The following DLG4 variants were observed in gnomAD, a reference collection of about 807,000 sequenced individuals.
DLG4 encodes the protein discs large MAGUK scaffold protein 4.
DLG4 carries 7 observed loss-of-function variants against 93.8 expected under a neutral mutation model. The observed-to-expected ratio is 0.07, with a 90% CI of 0.04 to 0.14. DLG4 has a LOEUF of 0.14. DLG4 is among the 10% of genes least tolerant of loss of function. The probability of loss-of-function intolerance (pLI) is 1.00; values close to 1 mark genes in which losing one functional copy is unlikely to be tolerated. For missense variants in DLG4, 545 were observed against 992.9 expected (o/e 0.55, Z 6.06); for synonymous variants, 341 against 387.6 (o/e 0.88, Z 1.41).
chr17:7,189,517 T>C lies in DLG4; in HGVS notation c.*1191A>G, dbSNP rs1406709577. 1.3e-5 allele frequency among the ~76,000 whole-genome samples: 2 copies of C among 150,918 alleles called. No individual in the cohort carries two copies. The highest frequency in any genetic ancestry group is 2.9e-5 in the Non-Finnish European group (2 of 67,838). ...AAAAAAAACAAAAAAACAAAAAAAA[T>C]CATTTCCAGATCCTAGCTCTGTCCA... On this transcript the variant is annotated 3_prime_UTR_variant, in exon 20 of 20. Transcript: ENST00000399506.
chr17:7,193,802 G>A lies in DLG4; in HGVS notation c.1543+42C>T, dbSNP rs974869311. 6.2e-7 allele frequency: 1 copy of A among 1,612,308 alleles called. No homozygotes were observed. Among genetic ancestry groups the A allele is most frequent in the Non-Finnish European group, 8.5e-7 (1 of 1,179,254 alleles). ...CCTTGAGGATATCAAAAGCAACTCA[G>A]TGCTCCTCTCACCCACATCTTCCCG... On this transcript the variant is annotated intron_variant, in intron 14 of 19. Coordinates refer to ENST00000399506, the MANE Select transcript of DLG4 (RefSeq NM_001321075.3). The surrounding 1 kb of genome is among the most constrained non-coding windows in gnomAD (Gnocchi z 6.7).
At chr17:7,206,620 C>T (rs1181361280) in intron 2 of DLG4, among the ~76,000 whole-genome samples, 6 of 152,226 alleles carry the variant, frequency 3.9e-5, no homozygotes, top group Non-Finnish European at 7.4e-5. Context: ...CCACAGAATT[C>T]GCACAAACAC....
In DLG4 at chr17:7,207,014, G is replaced by T. The variant is rs530260959; in HGVS notation, c.96+1160C>A. On this transcript the variant is annotated intron_variant, in intron 2 of 19. Transcript: ENST00000399506. ...AAGATGGAAAGTGGACTGGAGAATGGAAGGTCCCAGAAACCAGGCCTCCCG... is the reference window on the plus strand; with the variant it reads ...AAGATGGAAAGTGGACTGGAGAATGTAAGGTCCCAGAAACCAGGCCTCCCG... Among the ~76,000 whole-genome samples, 92 of 152,228 alleles carry T rather than the reference G, an allele frequency of 6.0e-4. 1 individual carries two copies. Among genetic ancestry groups the T allele is most frequent in the African/African-American group, 2.2e-3 (91 of 41,530 alleles).
chr17:7,199,537 T>G (rs540499622), intron 8 of DLG4, among the ~76,000 whole-genome samples: 28 of 152,202 alleles, frequency 1.8e-4, no homozygotes, highest in African/African-American at 6.0e-4. Flanking sequence ...CTTAAAGATT[T>G]TAATATATTT....
In DLG4 at chr17:7,187,318, G is replaced by GGA. The variant is rs1555599148; in HGVS notation, c.*3389_*3390insTC. Among the ~76,000 whole-genome samples the GGA allele has an allele frequency of 3.9e-4, 27 of 68,638 alleles. 3 individuals carry two copies. Among genetic ancestry groups the GGA allele is most frequent in the South Asian group, 1.6e-3 (3 of 1,882 alleles). The allele number at this position is 68,638 out of a possible 152,430, so 45.0% of individuals were successfully genotyped here. A position where few individuals can be genotyped will look rare whatever the true frequency, so the allele number is the denominator to read the frequency against. On this transcript the variant is annotated 3_prime_UTR_variant, in exon 20 of 20. Coordinates refer to ENST00000399506, the MANE Select transcript of DLG4 (RefSeq NM_001321075.3). ...ACTTTGGGAGGCCGAGGGGGGGGGG[G>GGA]GTGGATCACCCGAGGTCAGGAGTTC...
intron 8 of DLG4, among the ~76,000 whole-genome samples, chr17:7,200,333 A>G (rs995907305): frequency 6.6e-6 from 1 of 151,674 alleles, no homozygotes; most frequent in African/African-American, 2.4e-5. Context: ...ACACGGTGTG[A>G]CTCCTCACCC....
In DLG4 at chr17:7,194,495, C is replaced by T. The variant is rs768276894; in HGVS notation, c.1302G>A (p.Arg434=). 3 of 1,601,986 alleles carry T rather than the reference C, an allele frequency of 1.9e-6. No individual in the cohort carries two copies. Among genetic ancestry groups the T allele is most frequent in the Admixed American group, 3.4e-5 (2 of 58,220 alleles). ...RSNPKRGFYI[R]ALFDYDKTKD... ...TGGTCTTGTCGTAATCAAACAGGGCCCTGGAGGGCAAGTGGCTATCGGTCA... is the reference window on the plus strand; with the variant it reads ...TGGTCTTGTCGTAATCAAACAGGGCTCTGGAGGGCAAGTGGCTATCGGTCA... Residue 434 remains arginine (R), a splice_region_variant and synonymous_variant, in exon 12 of 20, where the codon AGG becomes AGA. Transcript: ENST00000399506. This position sits in a 1 kb window ranked among gnomAD's most constrained non-coding sequence, Gnocchi z 4.4.
At chr17:7,214,088 G>GC (rs1032926944) in intron 1 of DLG4, among the ~76,000 whole-genome samples, 15 of 152,118 alleles carry the variant, frequency 9.9e-5, no homozygotes, top group Non-Finnish European at 2.1e-4. Context: ...CAAGGACTTT[G>GC]CCGTCGCCTA....
rs1291104046 is a variant in DLG4, at chr17:7,191,690, A to G, written c.1976+203T>C. ...CTGGTATGCCCCAGGGGCTGCTGGG[A>G]AATGTAGTCCTGTCTAGCCAAGGCA... On this transcript the variant is annotated intron_variant, in intron 18 of 19. Transcript: ENST00000399506. The surrounding 1 kb of genome is among the most constrained non-coding windows in gnomAD (Gnocchi z 6.6). The G allele has an allele frequency of 3.4e-6, 2 of 580,390 alleles. No individual in the cohort carries two copies. The highest frequency in any genetic ancestry group is 6.2e-6 in the Non-Finnish European group (2 of 320,626). 36.0% of individuals were successfully genotyped at this position (580,390 alleles called of 1,614,324 possible). A position where few individuals can be genotyped will look rare whatever the true frequency, so the allele number is the denominator to read the frequency against.
intron 8 of DLG4, among the ~76,000 whole-genome samples, chr17:7,198,001 T>C (rs2069889678): frequency 6.6e-6 from 1 of 152,186 alleles, no homozygotes; most frequent in African/African-American, 2.4e-5. Context: ...TAATGCCTGG[T>C]TGTCTTTCTG....
At chr17:7,219,754 G>T, upstream of DLG4, 1 of 1,467,942 alleles carries the variant, frequency 6.8e-7, no homozygotes, top group Non-Finnish European at 9.0e-7. Flanking sequence ...GGACGGGCGG[G>T]ATTAAGGAGT....
At chr17:7,190,941 G>A in intron 19 of DLG4, 127 bp from the exon 20 acceptor site, 2 of 709,382 alleles carry the variant, frequency 2.8e-6, no homozygotes, top group Non-Finnish European at 2.4e-6. Context: ...TCCTGGGGCT[G>A]CACCCGCCCA....
chr17:7,207,188 G>C (rs759727647), intron 2 of DLG4, among the ~76,000 whole-genome samples: 30 of 151,766 alleles, frequency 2.0e-4, no homozygotes, highest in Admixed American at 3.9e-4. Context: ...AAAGAGGGAA[G>C]GTGAAGATGA....
At chr17:7,205,334 C>T (rs1412878054) in intron 2 of DLG4, among the ~76,000 whole-genome samples, 1 of 152,170 alleles carries the variant, frequency 6.6e-6, no homozygotes, top group African/African-American at 2.4e-5. Context: ...CGCTTTAGCC[C>T]GGTCCTAGGG....
At position 7,208,422 on chromosome 17, in the gene DLG4, C is replaced by T. The variant is rs2070579704; in HGVS notation, c.31-183G>A. 6.6e-6 allele frequency among the ~76,000 whole-genome samples: 1 copy of T among 151,972 alleles called. No individual in the cohort carries two copies. Among genetic ancestry groups the T allele is most frequent in the Non-Finnish European group, 1.5e-5 (1 of 67,976 alleles). On this transcript the variant is annotated intron_variant, in intron 1 of 19. Transcript: ENST00000399506. This position sits in a 1 kb window ranked among gnomAD's most constrained non-coding sequence, Gnocchi z 5.4. ...CCCTCTCTCCACTCTCCCAACAGCCCCCTCTCCCGCCAGGGCCTCAGCACC... is the reference window on the plus strand; with the variant it reads ...CCCTCTCTCCACTCTCCCAACAGCCTCCTCTCCCGCCAGGGCCTCAGCACC...
rs750227634 is a variant in DLG4 at position 7,196,451 on chromosome 17, CAAGGAACT to C, written c.1186+14_1186+21del. Reference sequence around the variant, plus strand: ...CTAAGGGCCATTTCAGCTCACAAGACAAGGAACTTCCGGCCTGGTACCTTCTGGTTTAT... The same window carrying C: ...CTAAGGGCCATTTCAGCTCACAAGACTCCGGCCTGGTACCTTCTGGTTTAT... On this transcript the variant is annotated intron_variant, in intron 10 of 19. Coordinates refer to ENST00000399506, the MANE Select transcript of DLG4 (RefSeq NM_001321075.3). This position sits in a 1 kb window ranked among gnomAD's most constrained non-coding sequence, Gnocchi z 8.3. 1 of 1,613,546 alleles carries C rather than the reference CAAGGAACT, an allele frequency of 6.2e-7. No homozygotes were observed. The highest frequency in any genetic ancestry group is 2.2e-5 in the East Asian group (1 of 44,880).
At position 7,211,553 on chromosome 17, in the gene DLG4, C is replaced by T. The variant is rs1456171408; in HGVS notation, c.31-3314G>A. The T allele has an allele frequency of 1.1e-5, 4 of 363,448 alleles. No homozygotes were observed. The East Asian group carries it at 6.7e-4, about 61-fold the overall frequency. The allele number at this position is 363,448 out of a possible 1,614,324, so 22.5% of individuals were successfully genotyped here. A position where few individuals can be genotyped will look rare whatever the true frequency, so the allele number is the denominator to read the frequency against. On this transcript the variant is annotated intron_variant, in intron 1 of 19. Coordinates refer to ENST00000399506, the MANE Select transcript of DLG4 (RefSeq NM_001321075.3). Reference sequence around the variant, plus strand: ...CACGAGAAGTTGCAACCCAGAGACCCCGCACCAAGCAGAAGGAAGAGCGAC... The same window carrying T: ...CACGAGAAGTTGCAACCCAGAGACCTCGCACCAAGCAGAAGGAAGAGCGAC...
chr17:7,203,092 C>T lies in DLG4; in HGVS notation c.643-45G>A. The T allele has an allele frequency of 6.3e-7, 1 of 1,583,718 alleles. No individual in the cohort carries two copies. Among genetic ancestry groups the T allele is most frequent in the Non-Finnish European group, 8.6e-7 (1 of 1,158,240 alleles). On this transcript the variant is annotated intron_variant, in intron 7 of 19. Coordinates refer to ENST00000399506, the MANE Select transcript of DLG4 (RefSeq NM_001321075.3). This position sits in a 1 kb window ranked among gnomAD's most constrained non-coding sequence, Gnocchi z 7.2. ...AGCTCAGACAAAGCCACAAATGGCC[C>T]AAGACAGAAGCACTGGGGTGAAGTG...
chr17:7,203,280 T>C lies in DLG4; in HGVS notation c.555A>G (p.Gly185=). The C allele has an allele frequency of 6.2e-7, 1 of 1,609,390 alleles. No homozygotes were observed. The highest frequency in any genetic ancestry group is 8.5e-7 in the Non-Finnish European group (1 of 1,176,118). The change falls in exon 7 of 20, where the codon GGA becomes GGG. Residue 185 remains glycine, a synonymous_variant. Coordinates refer to ENST00000399506, the MANE Select transcript of DLG4 (RefSeq NM_001321075.3). This position sits in a 1 kb window ranked among gnomAD's most constrained non-coding sequence, Gnocchi z 7.2. ...AGGVGNQHIP[G]DNSIYVTKII... Reference sequence around the variant, plus strand: ...TCTTTGTTACATAGATGCTATTATCTCCTGGGATGTGCTGGTTCCCTACGC... The same window carrying C: ...TCTTTGTTACATAGATGCTATTATCCCCTGGGATGTGCTGGTTCCCTACGC...
Sources: gnomAD v4.1 joint callset for allele counts (sites outside exome capture counted in the v4.1 genomes callset) on GRCh38, gnomAD v4.1.1 for gene constraint, Gnocchi (gnomAD v3.1) non-coding constraint, MANE v1.5 for transcripts, NCBI Gene and HGNC (gene_info 2026-07-23, HGNC 2026-07-21) for gene names.